Variants in FAM149B1 observed in about 807,000 individuals in gnomAD.
FAM149B1 encodes family with sequence similarity 149 member B1, also known as primary cilium assembly protein FAM149B1.
FAM149B1 carries 56 observed loss-of-function variants against 75.3 expected under a neutral mutation model. That is an observed-to-expected ratio of 0.74 (90% CI 0.60 to 0.93). FAM149B1 has a LOEUF of 0.93. Ranked by LOEUF, FAM149B1 falls within the 40% of genes least tolerant of loss-of-function variation. The probability of loss-of-function intolerance (pLI) is 0.00; values close to 1 mark genes in which losing one functional copy is unlikely to be tolerated. For missense variants in FAM149B1, 639 were observed against 708.4 expected (o/e 0.90, Z 1.11); for synonymous variants, 259 against 256.1 (o/e 1.01, Z -0.11).
rs2043973372 is a variant in FAM149B1, at chr10:73,243,194, T to A, written c.*2175T>A. 2 of 555,164 alleles carry A rather than the reference T, an allele frequency of 3.6e-6. No homozygotes were observed. The highest frequency in any genetic ancestry group is 6.3e-6 in the Non-Finnish European group (2 of 317,642). 34.4% of individuals were successfully genotyped at this position (555,164 alleles called of 1,614,324 possible). A position where few individuals can be genotyped will look rare whatever the true frequency, so the allele number is the denominator to read the frequency against. ...AATGTCACCACCAAGTTCCTTCAGGTGAGACCTCACACAATGTCAAGTGCT... is the reference window on the plus strand; with the variant it reads ...AATGTCACCACCAAGTTCCTTCAGGAGAGACCTCACACAATGTCAAGTGCT... On this transcript the variant is annotated 3_prime_UTR_variant, in exon 14 of 14. Transcript: ENST00000242505.
intron 12 of FAM149B1, among the ~76,000 whole-genome samples, chr10:73,236,425 T>TG (rs2133412286): frequency 6.6e-6 from 1 of 151,434 alleles, no homozygotes; most frequent in South Asian, 2.1e-4. Context: ...TTTTTTTTTT[T>TG]TTTTTTGAGA....
At chr10:73,232,757 C>G (rs534723238) in intron 9 of FAM149B1, among the ~76,000 whole-genome samples, 182 bp from the exon 10 acceptor site, 1 of 152,314 alleles carries the variant, frequency 6.6e-6, no homozygotes, top group Admixed American at 6.5e-5. Flanking sequence ...CTTTTAAGAA[C>G]AGATTCTCAT....
At chr10:73,175,960 G>A (rs1428737445) in intron 2 of FAM149B1, among the ~76,000 whole-genome samples, 3 of 152,160 alleles carry the variant, frequency 2.0e-5, no homozygotes, top group Non-Finnish European at 4.4e-5. Flanking sequence ...GCAGTGGGGT[G>A]AGGGATGGTT....
At chr10:73,215,035 CAG>C (rs1164748080) in intron 7 of FAM149B1, among the ~76,000 whole-genome samples, 2 of 151,872 alleles carry the variant, frequency 1.3e-5, no homozygotes, top group Non-Finnish European at 2.9e-5. Context: ...TTTTTTGGAA[CAG>C]AGTCTCACTC....
intron 1 of FAM149B1, 81 bp downstream of exon 1, chr10:73,168,467 T>A: frequency 6.7e-7 from 1 of 1,489,244 alleles, no homozygotes; most frequent in East Asian, 2.6e-5. Flanking sequence ...CTTCGTTCCT[T>A]TCCTTTCCCA....
intron 8 of FAM149B1, 98 bp downstream of exon 8, chr10:73,228,282 AT>A: frequency 9.9e-7 from 1 of 1,005,082 alleles, no homozygotes; most frequent in Non-Finnish European, 1.5e-6. Context: ...TTCTGACTCA[AT>A]ATGTTTTAGT....
At chr10:73,191,731 G>A (rs76158657) in intron 3 of FAM149B1, among the ~76,000 whole-genome samples, 23,965 of 151,964 alleles carry the variant, frequency 0.16, 3,150 homozygotes, top group African/African-American at 0.34. Flanking sequence ...TATACACAGG[G>A]TTTTCCATCT....
intron 5 of FAM149B1, among the ~76,000 whole-genome samples, chr10:73,206,511 C>A (rs554225483): frequency 1.3e-5 from 2 of 152,332 alleles, no homozygotes; most frequent in Admixed American, 1.3e-4. Flanking sequence ...TGCTAATAGC[C>A]AAGACAATGG....
At chr10:73,196,236 C>A (rs527534944) in intron 5 of FAM149B1, among the ~76,000 whole-genome samples, 71 of 152,140 alleles carry the variant, frequency 4.7e-4, no homozygotes, top group Admixed American at 2.7e-3. Flanking sequence ...TAAGGAGACT[C>A]CTTTGAGAGG....
intron 3 of FAM149B1, among the ~76,000 whole-genome samples, chr10:73,190,619 A>AC (rs767239343): frequency 2.6e-5 from 4 of 152,162 alleles, no homozygotes; most frequent in Non-Finnish European, 5.9e-5. Flanking sequence ...CCACTGGAAC[A>AC]CTGGAATGTA....
chr10:73,184,464 A>G lies in FAM149B1; in HGVS notation c.282+6489A>G, dbSNP rs141741486. 1.7e-3 allele frequency among the ~76,000 whole-genome samples: 257 copies of G among 152,264 alleles called. 1 individual carries two copies. Among genetic ancestry groups the G allele is most frequent in the Admixed American group, 4.3e-3 (65 of 15,292 alleles). ...GGATATTAAACACCTGAACAGTACT[A>G]TCAACCAACCTGACCTAACTGACAT... On this transcript the variant is annotated intron_variant, in intron 3 of 13. Coordinates refer to ENST00000242505, the MANE Select transcript of FAM149B1 (RefSeq NM_173348.2).
rs1273548691 is a variant in FAM149B1 at position 73,228,144 on chromosome 10, G to A, written c.983G>A (p.Arg328Gln). The A allele has an allele frequency of 4.5e-6, 7 of 1,551,390 alleles. No individual in the cohort carries two copies. Among genetic ancestry groups the A allele is most frequent in the African/African-American group, 1.4e-5 (1 of 73,006 alleles). The change falls in exon 8 of 14, where the codon CGA becomes CAA. Residue 328 changes from arginine (R) to glutamine (Q), a missense_variant. By Grantham distance (43) the Arg-to-Gln change is conservative (BLOSUM62 1). Transcript: ENST00000242505. ...LSELHPLVLP[R>Q]VPQSKVLYIT... is the part of the protein sequence containing the mutation. ...GAACTACATCCTTTGGTGTTACCGCGAGTGCCACAGTCTAAGGTGCTGTAC... is the reference window on the plus strand; with the variant it reads ...GAACTACATCCTTTGGTGTTACCGCAAGTGCCACAGTCTAAGGTGCTGTAC...
chr10:73,235,376 G>A (rs1476833468), intron 12 of FAM149B1, 58 bp downstream of exon 12: 1 of 1,544,804 alleles, frequency 6.5e-7, no homozygotes, highest in Non-Finnish European at 8.7e-7. Context: ...AAGGTGGGGG[G>A]AATAATAGTT....
Position 73,241,100 on chromosome 10 carries a change from T to G in FAM149B1, c.*81T>G, listed in dbSNP as rs1380911163. The G allele has an allele frequency of 4.8e-6, 4 of 826,886 alleles. No homozygotes were observed. In the East Asian group the frequency reaches 1.1e-4, roughly 23 times the overall value. The allele number at this position is 826,886 out of a possible 1,614,324, so 51.2% of individuals were successfully genotyped here. On this transcript the variant is annotated 3_prime_UTR_variant, in exon 14 of 14. Coordinates refer to ENST00000242505, the MANE Select transcript of FAM149B1 (RefSeq NM_173348.2). ...ATTCAGTCATCAAGTGATGCAGAGC[T>G]TGTATAGAAGATCGACTAGAAATCA...
chr10:73,232,873 C>T (rs1276764453), intron 9 of FAM149B1, 66 bp from the exon 10 acceptor site: 2 of 969,868 alleles, frequency 2.1e-6, no homozygotes, highest in African/African-American at 1.6e-5. Context: ...CTTTTTACCC[C>T]GTTAGTCTTG....
Position 73,239,198 on chromosome 10 carries a change from G to C in FAM149B1, c.1603-114G>C, listed in dbSNP as rs547788915. ...ACTCAGCTGACTTTTCCCTCAAGTT[G>C]GTAGTCTATGCCTTTTACCACTGTT... On this transcript the variant is annotated intron_variant, in intron 12 of 13. Coordinates refer to ENST00000242505, the MANE Select transcript of FAM149B1 (RefSeq NM_173348.2). 15 of 802,258 alleles carry C rather than the reference G, an allele frequency of 1.9e-5. No homozygotes were observed. The African/African-American group carries it at 2.4e-4, about 13-fold the overall frequency. 49.7% of individuals were successfully genotyped at this position (802,258 alleles called of 1,614,324 possible). A position where few individuals can be genotyped will look rare whatever the true frequency, so the allele number is the denominator to read the frequency against.
In FAM149B1 at chr10:73,193,599, T is replaced by C. The variant is rs1444455774; in HGVS notation, c.542+6T>C. The C allele has an allele frequency of 1.3e-6, 2 of 1,549,868 alleles. No individual in the cohort carries two copies. ...CAAGAAAGAGATTCTACTATGTGAG[T>C]ATTCCATTATGTAAGTACTTCAATG... On this transcript the variant is annotated splice_donor_region_variant and intron_variant, in intron 5 of 13. Transcript: ENST00000242505.
At chr10:73,186,294 A>T (rs978323976) in intron 3 of FAM149B1, among the ~76,000 whole-genome samples, 9 of 152,314 alleles carry the variant, frequency 5.9e-5, no homozygotes, top group South Asian at 2.1e-4. Flanking sequence ...ATTCATAATT[A>T]AAAAAACACT....
rs762316170 is a variant in FAM149B1, at chr10:73,168,308, T to TGAGGAGGAG, written c.-8_1dup. 2.7e-4 allele frequency: 407 copies of TGAGGAGGAG among 1,532,882 alleles called. No homozygotes were observed. In the African/African-American group the frequency reaches 3.3e-3, roughly 12 times the overall value. The allele number at this position is 1,532,882 out of a possible 1,614,324, so 95.0% of individuals were successfully genotyped here. On this transcript the variant is annotated 5_prime_UTR_variant, in exon 1 of 14. Coordinates refer to ENST00000242505, the MANE Select transcript of FAM149B1 (RefSeq NM_173348.2). Reference sequence around the variant, plus strand: ...CTGGCGTGCCTGCCCCGGCCGCGGCTGAGGAGGAGGAGGAGGAGGAGGAGG... The same window carrying TGAGGAGGAG: ...CTGGCGTGCCTGCCCCGGCCGCGGCTGAGGAGGAGGAGGAGGAGGAGGAGGAGGAGGAGG...
Sources: gnomAD v4.1 joint callset for allele counts (sites outside exome capture counted in the v4.1 genomes callset) on GRCh38, gnomAD v4.1.1 for gene constraint, MANE v1.5 for transcripts, NCBI Gene and HGNC (gene_info 2026-07-23, HGNC 2026-07-21) for gene names.